Variants in ZW10 observed in about 807,000 individuals in gnomAD.
The protein encoded by ZW10 is zw10 kinetochore protein.
ZW10 carries 53 observed loss-of-function variants against 87.8 expected under a neutral mutation model. The observed-to-expected ratio is 0.60, with a 90% CI of 0.48 to 0.76. ZW10 has a LOEUF of 0.76. Ranked by LOEUF, ZW10 falls within the 30% of genes least tolerant of loss-of-function variation. The pLI, the probability that ZW10 is intolerant of heterozygous loss-of-function variation, is 0.00. For synonymous variants in ZW10, 312 were observed against 329.2 expected, an observed-to-expected ratio of 0.95 and a Z score of 0.57; for missense variants, 837 against 923.0, an observed-to-expected ratio of 0.91 and a Z score of 1.21.
At chr11:113,736,845 C>T (rs374938391) in intron 14 of ZW10, 23 bp from the exon 15 acceptor site, 25 of 1,610,970 alleles carry the variant, frequency 1.6e-5, no homozygotes, top group Middle Eastern at 1.6e-4. Flanking sequence ...AGAGGAAACA[C>T]AATAGAATAG....
intron 2 of ZW10, among the ~76,000 whole-genome samples, chr11:113,767,559 T>C (rs1181693789): frequency 6.6e-6 from 1 of 152,144 alleles, no homozygotes; most frequent in Non-Finnish European, 1.5e-5. Flanking sequence ...CCTCGATTAT[T>C]TTAACTGCCT....
chr11:113,754,346 A>G (rs1354861620), intron 7 of ZW10, among the ~76,000 whole-genome samples: 2 of 152,030 alleles, frequency 1.3e-5, no homozygotes, highest in Non-Finnish European at 2.9e-5. Flanking sequence ...TTAGCTGGGC[A>G]TGGTAGTGCA....
At chr11:113,741,034 T>G (rs1025555152) in intron 11 of ZW10, among the ~76,000 whole-genome samples, 7 of 152,076 alleles carry the variant, frequency 4.6e-5, no homozygotes, top group African/African-American at 1.7e-4. Flanking sequence ...CAATAAGCTT[T>G]TATAATAAAA....
At chr11:113,738,161 A>G (rs1212767636) in intron 13 of ZW10, 103 bp downstream of exon 13, 18 of 1,320,536 alleles carry the variant, frequency 1.4e-5, no homozygotes, top group Non-Finnish European at 1.8e-5. Flanking sequence ...CAGGGAATCA[A>G]CTGAATACTT....
At chr11:113,744,091 C>A (rs1055456622) in intron 9 of ZW10, 51 bp from the exon 10 acceptor site, 19 of 1,470,574 alleles carry the variant, frequency 1.3e-5, no homozygotes, top group South Asian at 2.4e-5. Context: ...CAGAATAATT[C>A]AAATATAAGC....
chr11:113,763,266 T>C (rs1304564343), intron 2 of ZW10, among the ~76,000 whole-genome samples: 2 of 152,216 alleles, frequency 1.3e-5, no homozygotes, highest in Non-Finnish European at 2.9e-5. Flanking sequence ...CAGTCTGTCA[T>C]TGATGGGCAT....
intron 12 of ZW10, 94 bp from the exon 13 acceptor site, chr11:113,738,488 GT>G: frequency 8.6e-7 from 1 of 1,156,674 alleles, no homozygotes; most frequent in Non-Finnish European, 1.2e-6. Flanking sequence ...CCATGTATCT[GT>G]TCTGCCTATA....
At position 113,743,984 on chromosome 11, in the gene ZW10, G is replaced by T; in HGVS notation, c.1329C>A (p.Asn443Lys). The change falls in exon 10 of 16, where the codon AAC becomes AAA. Residue 443 changes from asparagine (N) to lysine (K), a missense_variant. By Grantham distance (94) the Asn-to-Lys change is moderately conservative. Transcript: ENST00000200135. ...VPELPTPDED[N>K]KLEVQKVSNT... ...TGGATACTTTCTGTACTTCCAGTTT[G>T]TTATCCTCATCAGGAGTGGGTAACT... 1 of 1,614,150 alleles carries T rather than the reference G, an allele frequency of 6.2e-7. No individual in the cohort carries two copies. Among genetic ancestry groups the T allele is most frequent in the Non-Finnish European group, 8.5e-7 (1 of 1,180,002 alleles).
chr11:113,744,082 A>G (rs377475230), intron 9 of ZW10, 42 bp from the exon 10 acceptor site: 80 of 1,521,522 alleles, frequency 5.3e-5, no homozygotes, highest in Non-Finnish European at 7.1e-5. Context: ...TATTGTTTTC[A>G]GAATAATTCA....
rs1953654219 is a variant in ZW10 at position 113,744,095 on chromosome 11, T to C, written c.1273-55A>G. On this transcript the variant is annotated intron_variant, in intron 9 of 15. Transcript: ENST00000200135. ...TATATTGTTTTCAGAATAATTCAAA[T>C]ATAAGCACACGGCCGGGCATGGCGG... is the stretch of plus-strand genomic sequence containing the variant. 5 of 1,458,606 alleles carry C rather than the reference T, an allele frequency of 3.4e-6. No individual in the cohort carries two copies. In the South Asian group the frequency reaches 6.1e-5, roughly 18 times the overall value. 90.4% of individuals were successfully genotyped at this position (1,458,606 alleles called of 1,614,324 possible). A position where few individuals can be genotyped will look rare whatever the true frequency, so the allele number is the denominator to read the frequency against.
chr11:113,760,759 TTGA>T, intron 3 of ZW10, 55 bp downstream of exon 3: 1 of 1,432,388 alleles, frequency 7.0e-7, no homozygotes, highest in Non-Finnish European at 9.6e-7. Context: ...GAGATAGCCA[TTGA>T]CTAATGAGAC....
intron 11 of ZW10, 116 bp downstream of exon 11, chr11:113,741,578 G>A (rs1347979961): frequency 1.6e-6 from 1 of 606,382 alleles, no homozygotes; most frequent in Admixed American, 3.8e-5. Flanking sequence ...GCATTTTAGT[G>A]TGAATGTTAG....
chr11:113,738,587 C>T (rs1240748930), intron 12 of ZW10, among the ~76,000 whole-genome samples, 193 bp from the exon 13 acceptor site: 1 of 152,098 alleles, frequency 6.6e-6, no homozygotes, highest in Non-Finnish European at 1.5e-5. Context: ...TCCTCAAACC[C>T]CACCCTCCAG....
Sources: gnomAD v4.1 joint callset for allele counts (sites outside exome capture counted in the v4.1 genomes callset) on GRCh38, gnomAD v4.1.1 for gene constraint, MANE v1.5 for transcripts, NCBI Gene and HGNC (gene_info 2026-07-23, HGNC 2026-07-21) for gene names.